NCOR2: variants seen among roughly 807,000 people sequenced by gnomAD.
NCOR2 encodes the protein nuclear receptor corepressor 2.
A neutral mutation model predicts 262.9 loss-of-function variants in NCOR2; 81 were observed. The ratio of observed to expected loss-of-function variants is 0.31; its 90% CI spans 0.26 to 0.37. The LOEUF (loss-of-function observed/expected upper bound fraction) is 0.37, where lower values mean the gene tolerates loss of function less well. Among genes scored for constraint, NCOR2 ranks in the 10% least tolerant of loss-of-function variants. The pLI is 1.00. For synonymous variants in NCOR2, 1,659 were observed against 1,559.3 expected (o/e 1.06, Z -1.51); for missense variants, 3,385 against 3,621.4 (o/e 0.93, Z 1.68).
chr12:124,539,260 G>T (rs767245116), upstream of NCOR2: 1 of 152,632 alleles, frequency 6.6e-6, no homozygotes, highest in Non-Finnish European at 1.5e-5. This position sits in a 1 kb window ranked among gnomAD's most constrained non-coding sequence, Gnocchi z 5.1. Context: ...CAAGGCCGCA[G>T]TCGCACTTGC....
intron 15 of NCOR2, among the ~76,000 whole-genome samples, chr12:124,400,247 T>TC (rs1232997921): frequency 3.3e-5 from 5 of 151,602 alleles, no homozygotes; most frequent in African/African-American, 1.2e-4. Context: ...ACTACAACTG[T>TC]CCCCCCACGT....
intron 1 of NCOR2, among the ~76,000 whole-genome samples, chr12:124,528,235 A>G (rs975538330): frequency 6.6e-6 from 1 of 152,218 alleles, no homozygotes; most frequent in African/African-American, 2.4e-5. Context: ...AAGGAGACAC[A>G]TGTCAGAGCC....
chr12:124,463,257 G>A (rs372980042), intron 5 of NCOR2, among the ~76,000 whole-genome samples: 2 of 152,362 alleles, frequency 1.3e-5, no homozygotes, highest in East Asian at 3.9e-4. Context: ...AAGATCAAAG[G>A]AGACGCCAGT....
intron 13 of NCOR2, 101 bp downstream of exon 15, chr12:124,419,856 A>G (rs2043116946): frequency 9.5e-7 from 1 of 1,056,050 alleles, no homozygotes; most frequent in Admixed American, 1.7e-5. Flanking sequence ...CAACTCATGG[A>G]GACAGTTACC....
chr12:124,378,378 CCTT>C lies in NCOR2; in HGVS notation c.2023_2025del (p.Lys675del). 1 of 1,611,692 alleles carries C rather than the reference CCTT, an allele frequency of 6.2e-7. No individual in the cohort carries two copies. Among genetic ancestry groups the C allele is most frequent in the Non-Finnish European group, 8.5e-7 (1 of 1,179,320 alleles). On this transcript the variant is annotated inframe_deletion, in exon 18 of 47. Transcript: ENST00000405201. The surrounding 1 kb of genome is among the most constrained non-coding windows in gnomAD (Gnocchi z 4.2). ...TTCTTCTTCCTCCGCGCGTTCCTCTCCTTCTCCTGGGGCACAGGGAAGCAGCAG... is the reference window on the plus strand; with the variant it reads ...TTCTTCTTCCTCCGCGCGTTCCTCTCCTCCTGGGGCACAGGGAAGCAGCAG...
At chr12:124,372,345 C>T (rs1403747572) in exon 20 of NCOR2, 34 of 1,516,516 alleles carry the variant, frequency 2.2e-5, no homozygotes, top group Non-Finnish European at 2.7e-5. Context: ...CGGTCTCCTC[C>T]TCCTTCTCCT....
chr12:124,446,399 T>C (rs1328551068), intron 7 of NCOR2, among the ~76,000 whole-genome samples: 1 of 152,184 alleles, frequency 6.6e-6, no homozygotes, highest in Non-Finnish European at 1.5e-5. Context: ...ATCATTATTA[T>C]CCCAACAGAT....
chr12:124,410,553 G>A (rs535873519), intron 13 of NCOR2, among the ~76,000 whole-genome samples: 9 of 152,052 alleles, frequency 5.9e-5, no homozygotes, highest in African/African-American at 2.2e-4. Context: ...GGCAGGCCTG[G>A]GAAAGTCGGC....
At chr12:124,452,119 C>G (rs2045584207) in intron 6 of NCOR2, among the ~76,000 whole-genome samples, 1 of 152,240 alleles carries the variant, frequency 6.6e-6, no homozygotes, top group African/African-American at 2.4e-5. Context: ...CACCCTGACC[C>G]TGGAAGTTTG....
chr12:124,527,481 G>C (rs1047644478), intron 1 of NCOR2, among the ~76,000 whole-genome samples: 1 of 151,794 alleles, frequency 6.6e-6, no homozygotes, highest in African/African-American at 2.4e-5. Flanking sequence ...GCAGTGGCAC[G>C]ATCTCAGCTC....
intron 20 of NCOR2, among the ~76,000 whole-genome samples, chr12:124,371,419 A>T (rs2039504465): frequency 6.6e-6 from 1 of 152,224 alleles, no homozygotes; most frequent in Non-Finnish European, 1.5e-5. Flanking sequence ...TGCTGATATA[A>T]TCAAGTTAAG....
intron 16 of NCOR2, chr12:124,388,878 G>A (rs996173152): frequency 1.5e-6 from 1 of 678,402 alleles, no homozygotes. Context: ...GGGAGGGAGG[G>A]AGGGAGGGAG....
chr12:124,499,378 G>C (rs2048561584), upstream of NCOR2, among the ~76,000 whole-genome samples: 1 of 152,258 alleles, frequency 6.6e-6, no homozygotes, highest in Non-Finnish European at 1.5e-5. Flanking sequence ...CCCCGGGCTA[G>C]TGCTGGGGAC....
chr12:124,428,086 T>TGTGTGTGTGTGC lies in NCOR2; in HGVS notation c.1150-1287_1150-1286insGCACACACACAC, dbSNP rs958627720. On this transcript the variant is annotated intron_variant, in intron 10 of 46. Transcript: ENST00000405201. Reference sequence around the variant, plus strand: ...GTGTGTGTGTGTGTGTGTGTGTGTGTGTACATGCAACAATCAGCCCAGGTG... The same window carrying TGTGTGTGTGTGC: ...GTGTGTGTGTGTGTGTGTGTGTGTGTGTGTGTGTGTGCGTACATGCAACAATCAGCCCAGGTG... Among the ~76,000 whole-genome samples, 48 of 147,166 alleles carry TGTGTGTGTGTGC rather than the reference T, an allele frequency of 3.3e-4. 1 individual carries two copies. The highest frequency in any genetic ancestry group is 3.6e-3 in the Middle Eastern group (1 of 280).
In NCOR2 at chr12:124,548,248, A is replaced by G. The variant is rs146475631; in HGVS notation, c.-164-12637T>C. Among the ~76,000 whole-genome samples, 3 of 152,298 alleles carry G rather than the reference A, an allele frequency of 2.0e-5. No homozygotes were observed. Among genetic ancestry groups the G allele is most frequent in the African/African-American group, 7.2e-5 (3 of 41,590 alleles). ...AGCATTCCAGGTGGGGGGAACAACAAACGCGAAGGCCCAGAGGCAGATGCG... is the reference window on the plus strand; with the variant it reads ...AGCATTCCAGGTGGGGGGAACAACAGACGCGAAGGCCCAGAGGCAGATGCG... On this transcript the variant is annotated intron_variant, in intron 1 of 32. Coordinates refer to the NCOR2 transcript ENST00000458234. The surrounding 1 kb of genome is among the most constrained non-coding windows in gnomAD (Gnocchi z 5.1).
intron 27 of NCOR2, among the ~76,000 whole-genome samples, chr12:124,353,713 T>A (rs1300561896): frequency 2.0e-5 from 3 of 152,236 alleles, no homozygotes; most frequent in Non-Finnish European, 4.4e-5. Flanking sequence ...CCCGCATGGC[T>A]TGCACCCTCA....
chr12:124,328,320 G>A (rs1242417969), intron 44 of NCOR2, among the ~76,000 whole-genome samples: 1 of 152,186 alleles, frequency 6.6e-6, no homozygotes, highest in East Asian at 1.9e-4. Flanking sequence ...GCTGAGGGCG[G>A]GGTCATAGCC....
At chr12:124,540,063 G>A (rs373835595), upstream of NCOR2, among the ~76,000 whole-genome samples, 18 of 152,220 alleles carry the variant, frequency 1.2e-4, no homozygotes, top group East Asian at 2.7e-3. Context: ...AGGTACAGGG[G>A]CATGACTGCG....
At chr12:124,545,400 A>T (rs2051509341) in intron 1 of NCOR2, among the ~76,000 whole-genome samples, 1 of 152,302 alleles carries the variant, frequency 6.6e-6, no homozygotes, top group Middle Eastern at 3.4e-3. Flanking sequence ...AGGGCTCTGC[A>T]GGAGCCTCTG....
Sources: gnomAD v4.1 joint callset for allele counts (sites outside exome capture counted in the v4.1 genomes callset) on GRCh38, gnomAD v4.1.1 for gene constraint, Gnocchi (gnomAD v3.1) non-coding constraint, MANE v1.5 for transcripts, NCBI Gene and HGNC (gene_info 2026-07-23, HGNC 2026-07-21) for gene names.